Variants in ABLIM2 observed in about 807,000 individuals in gnomAD.
ABLIM2 encodes actin binding LIM protein family member 2, also known as actin-binding LIM protein 2.
In ABLIM2, 53 loss-of-function variants were observed where a neutral mutation model predicts 97.7. That is an observed-to-expected ratio of 0.54 (90% CI 0.44 to 0.68). The LOEUF is 0.68. Among genes scored for constraint, ABLIM2 ranks in the 30% least tolerant of loss-of-function variants. The probability of loss-of-function intolerance (pLI) is 0.00; values close to 1 mark genes in which losing one functional copy is unlikely to be tolerated. For missense variants in ABLIM2, 835 were observed against 867.2 expected (o/e 0.96, Z 0.47); for synonymous variants, 361 against 345.8 (o/e 1.04, Z -0.49).
Position 8,054,250 on chromosome 4 carries a change from T to A in ABLIM2, c.764-4A>T. 6.2e-7 allele frequency: 1 copy of A among 1,614,010 alleles called. No individual in the cohort carries two copies. The highest frequency in any genetic ancestry group is 1.3e-5 in the African/African-American group (1 of 75,074). ...GCCGGATGCCAGATGGAGGAACCTG[T>A]TGACAAATTCCCAAGAGGGAAATGA... On this transcript the variant is annotated splice_region_variant and splice_polypyrimidine_tract_variant and intron_variant, in intron 7 of 20. Coordinates refer to ENST00000447017, the MANE Select transcript of ABLIM2 (RefSeq NM_001130083.2). The surrounding 1 kb of genome is among the most constrained non-coding windows in gnomAD (Gnocchi z 4.9).
Position 8,083,551 on chromosome 4 carries a change from C to T in ABLIM2, c.455-2749G>A, listed in dbSNP as rs754911681. Among the ~76,000 whole-genome samples the T allele has an allele frequency of 6.6e-6, 1 of 152,238 alleles. No individual in the cohort carries two copies. Among genetic ancestry groups the T allele is most frequent in the Non-Finnish European group, 1.5e-5 (1 of 68,032 alleles). ...GGGGATGTGAACCTCACACCTGCCT[C>T]GGCCCCCTCATTCTCCTATCAGCAG... On this transcript the variant is annotated intron_variant, in intron 4 of 20. Transcript: ENST00000447017. This position sits in a 1 kb window ranked among gnomAD's most constrained non-coding sequence, Gnocchi z 4.6.
chr4:8,010,780 T>G (rs999671930), intron 14 of ABLIM2: 2 of 177,822 alleles, frequency 1.1e-5, no homozygotes, highest in Non-Finnish European at 2.2e-5. Flanking sequence ...GGGGGACGCA[T>G]GCCCGCAGCT....
Position 7,992,962 on chromosome 4 carries a change from CAG to C in ABLIM2, c.1619-37_1619-36del. ...ACACAGCACAGCTTTGTCACGCGCG[CAG>C]ACTCGGTGCAGCAATGGGGGTGCAG... On this transcript the variant is annotated intron_variant, in intron 16 of 20. Coordinates refer to ENST00000447017, the MANE Select transcript of ABLIM2 (RefSeq NM_001130083.2). This position sits in a 1 kb window ranked among gnomAD's most constrained non-coding sequence, Gnocchi z 5.7. The C allele has an allele frequency of 1.2e-6, 2 of 1,606,096 alleles. No homozygotes were observed. Among genetic ancestry groups the C allele is most frequent in the Non-Finnish European group, 1.7e-6 (2 of 1,175,720 alleles).
chr4:8,065,482 C>G (rs1277287996), intron 6 of ABLIM2, among the ~76,000 whole-genome samples: 1 of 152,136 alleles, frequency 6.6e-6, no homozygotes, highest in Non-Finnish European at 1.5e-5. Flanking sequence ...ACACAGGAGC[C>G]CTCGTGCGCT....
chr4:8,000,102 C>T (rs1756048462), intron 16 of ABLIM2, among the ~76,000 whole-genome samples: 1 of 152,106 alleles, frequency 6.6e-6, no homozygotes. Context: ...TGTGGCACTG[C>T]ACGGGTTCAG....
intron 20 of ABLIM2, among the ~76,000 whole-genome samples, chr4:7,967,376 G>A (rs1723729291): frequency 6.6e-6 from 1 of 152,232 alleles, no homozygotes; most frequent in South Asian, 2.1e-4. Flanking sequence ...GGTATCTGCT[G>A]CTGTGGACCA....
At chr4:8,078,902 G>A (rs572514216) in intron 5 of ABLIM2, among the ~76,000 whole-genome samples, 30 of 152,348 alleles carry the variant, frequency 2.0e-4, no homozygotes, top group African/African-American at 6.0e-4. Context: ...ACTCCAATGC[G>A]CCCCTTCCAG....
In ABLIM2 at chr4:7,970,879, T is replaced by A. The variant is rs1363665255; in HGVS notation, c.1825-3776A>T. 6.6e-6 allele frequency among the ~76,000 whole-genome samples: 1 copy of A among 151,910 alleles called. No individual in the cohort carries two copies. Among genetic ancestry groups the A allele is most frequent in the Non-Finnish European group, 1.5e-5 (1 of 67,966 alleles). ...TGGGCTGGGCCAGGCCACTCGTATG[T>A]GGCCTACAGGGCCCAGGACTTGGGG... On this transcript the variant is annotated intron_variant, in intron 20 of 20. Coordinates refer to ENST00000447017, the MANE Select transcript of ABLIM2 (RefSeq NM_001130083.2). This position sits in a 1 kb window ranked among gnomAD's most constrained non-coding sequence, Gnocchi z 5.3.
chr4:8,057,098 CT>C (rs11333108), intron 7 of ABLIM2, among the ~76,000 whole-genome samples: 29,202 of 129,894 alleles, frequency 0.22, 3,096 homozygotes, highest in East Asian at 0.49. Context: ...TTCTTTCTTT[CT>C]TTTTTTTTTT....
In ABLIM2 at chr4:8,080,714, C is replaced by T; in HGVS notation, c.543G>A (p.Lys181=). The T allele has an allele frequency of 6.2e-7, 1 of 1,612,466 alleles. No homozygotes were observed. The highest frequency in any genetic ancestry group is 8.5e-7 in the Non-Finnish European group (1 of 1,178,774). The change falls in exon 5 of 21, where the codon AAG becomes AAA. Residue 181 remains lysine (K), a synonymous_variant. Coordinates refer to ENST00000447017, the MANE Select transcript of ABLIM2 (RefSeq NM_001130083.2). The stretch of plus-strand genomic sequence containing the variant: ...CGGCATTCAGGAGCTTCCCACAGCT[C>T]TTGCACTTAAAACAGCCCAAGTGCC... ...KHWHLGCFKC[K]SCGKLLNAEY...
rs1346878650 is a variant in ABLIM2 at position 8,032,584 on chromosome 4, TTA to T, written c.1048-2810_1048-2809del. On this transcript the variant is annotated intron_variant, in intron 10 of 20. Coordinates refer to ENST00000447017, the MANE Select transcript of ABLIM2 (RefSeq NM_001130083.2). The surrounding 1 kb of genome is among the most constrained non-coding windows in gnomAD (Gnocchi z 4.3). ...CCTTCCCGGGAGTGCGGCTGGGTGGTTATGTTTATAACCCAGGCAGCAGCGCC... is the reference window on the plus strand; with the variant it reads ...CCTTCCCGGGAGTGCGGCTGGGTGGTTGTTTATAACCCAGGCAGCAGCGCC... 8 of 1,603,942 alleles carry T rather than the reference TTA, an allele frequency of 5.0e-6. No individual in the cohort carries two copies. The African/African-American group carries it at 9.4e-5, about 19-fold the overall frequency.
intron 12 of ABLIM2, among the ~76,000 whole-genome samples, chr4:8,024,402 G>A (rs908473585): frequency 6.6e-6 from 1 of 152,194 alleles, no homozygotes; most frequent in African/African-American, 2.4e-5. Context: ...GGCCCTGCCA[G>A]CATTCGGTGG....
chr4:8,099,459 A>G (rs1368495321), intron 2 of ABLIM2, among the ~76,000 whole-genome samples: 2 of 152,156 alleles, frequency 1.3e-5, no homozygotes, highest in Non-Finnish European at 2.9e-5. Flanking sequence ...GCACCAGGCA[A>G]GTGAGCATGT....
chr4:8,072,147 TC>T lies in ABLIM2; in HGVS notation c.675+5480del. 1 of 829,086 alleles carries T rather than the reference TC, an allele frequency of 1.2e-6. No individual in the cohort carries two copies. Among genetic ancestry groups the T allele is most frequent in the Non-Finnish European group, 1.5e-6 (1 of 687,192 alleles). 51.4% of individuals were successfully genotyped at this position (829,086 alleles called of 1,614,324 possible). ...ATCTTCCCCAGGAGGCCCTTTCTCC[TC>T]CACAGCAGAGGAGGAGGAAAAAACC... On this transcript the variant is annotated intron_variant, in intron 6 of 20. Coordinates refer to ENST00000447017, the MANE Select transcript of ABLIM2 (RefSeq NM_001130083.2). This position sits in a 1 kb window ranked among gnomAD's most constrained non-coding sequence, Gnocchi z 5.8.
chr4:8,090,785 C>A (rs1826825454), intron 3 of ABLIM2, among the ~76,000 whole-genome samples: 1 of 105,496 alleles, frequency 9.5e-6, no homozygotes, highest in African/African-American at 3.1e-5. Context: ...TTTTTCAGGT[C>A]CACTCATGCT....
chr4:8,012,596 C>T (rs188467956), intron 14 of ABLIM2, among the ~76,000 whole-genome samples: 3 of 151,498 alleles, frequency 2.0e-5, no homozygotes, highest in Non-Finnish European at 4.4e-5. Flanking sequence ...CATTCTTCAC[C>T]CATCCATCGA....
rs1399107535 is a variant in ABLIM2, at chr4:8,128,312, G to A, written c.11-21675C>T. 2.0e-5 allele frequency among the ~76,000 whole-genome samples: 3 copies of A among 152,112 alleles called. No homozygotes were observed. On this transcript the variant is annotated intron_variant, in intron 1 of 20. Transcript: ENST00000447017. The surrounding 1 kb of genome is among the most constrained non-coding windows in gnomAD (Gnocchi z 4.9). ...ATTACATACGGAAACACCCAAACAA[G>A]GTCACATTCAGAGCTTCCAGGTGGG...
At position 8,140,418 on chromosome 4, in the gene ABLIM2, C is replaced by T. The variant is rs1262513827; in HGVS notation, c.10+18262G>A. Among the ~76,000 whole-genome samples the T allele has an allele frequency of 6.6e-6, 1 of 152,054 alleles. No individual in the cohort carries two copies. Among genetic ancestry groups the T allele is most frequent in the African/African-American group, 2.4e-5 (1 of 41,396 alleles). ...CAGGGGATTTCATGCCAGGCAGGAACTTCGTGAAACAGTGCCAGAGGAGGA... is the reference window on the plus strand; with the variant it reads ...CAGGGGATTTCATGCCAGGCAGGAATTTCGTGAAACAGTGCCAGAGGAGGA... On this transcript the variant is annotated intron_variant, in intron 1 of 20. Transcript: ENST00000447017. This position sits in a 1 kb window ranked among gnomAD's most constrained non-coding sequence, Gnocchi z 5.9.
chr4:8,011,760 T>G (rs890759729), intron 14 of ABLIM2, among the ~76,000 whole-genome samples: 1 of 152,238 alleles, frequency 6.6e-6, no homozygotes, highest in African/African-American at 2.4e-5. Context: ...CATTTGCCAG[T>G]GAGGAACCCT....
Sources: gnomAD v4.1 joint callset for allele counts (sites outside exome capture counted in the v4.1 genomes callset) on GRCh38, gnomAD v4.1.1 for gene constraint, Gnocchi (gnomAD v3.1) non-coding constraint, MANE v1.5 for transcripts, NCBI Gene and HGNC (gene_info 2026-07-23, HGNC 2026-07-21) for gene names.